The following VWA8 variants were observed in gnomAD, a reference collection of about 807,000 sequenced individuals.
The protein encoded by VWA8 is von Willebrand factor A domain-containing protein 8.
VWA8 carries 221 observed loss-of-function variants against 241.5 expected under a neutral mutation model. The observed-to-expected ratio is 0.91, with a 90% CI of 0.82 to 1.02. VWA8 has a LOEUF of 1.02. VWA8 is among the 50% of genes least tolerant of loss of function. VWA8 has a pLI of 0.00. For missense variants in VWA8, 2,322 were observed against 2,328.7 expected (o/e 1.00, Z 0.06); for synonymous variants, 852 against 827.1 (o/e 1.03, Z -0.52).
chr13:41,770,116 A>G (rs1160354936), intron 20 of VWA8, among the ~76,000 whole-genome samples: 3 of 152,118 alleles, frequency 2.0e-5, no homozygotes, highest in Non-Finnish European at 4.4e-5. Context: ...CAACATGAAA[A>G]ATGGGGAAGG....
At chr13:41,794,108 T>C (rs1869580262) in intron 17 of VWA8, among the ~76,000 whole-genome samples, 1 of 152,100 alleles carries the variant, frequency 6.6e-6, no homozygotes, top group South Asian at 2.1e-4. Context: ...TAAGATTGTC[T>C]TGGCTATACA....
intron 43 of VWA8, among the ~76,000 whole-genome samples, chr13:41,571,836 G>A (rs1400675866): frequency 4.6e-5 from 7 of 151,618 alleles, no homozygotes; most frequent in East Asian, 2.0e-4. Context: ...GAGCCCCTCC[G>A]ACTGGCCGCC....
At chr13:41,833,017 G>A (rs1001627082) in intron 13 of VWA8, among the ~76,000 whole-genome samples, 3 of 152,000 alleles carry the variant, frequency 2.0e-5, no homozygotes, top group East Asian at 1.9e-4. Context: ...TGTAAATACT[G>A]AAGCTGTGAC....
intron 17 of VWA8, among the ~76,000 whole-genome samples, chr13:41,790,709 G>C (rs1008219335): frequency 4.6e-5 from 7 of 151,792 alleles, no homozygotes; most frequent in African/African-American, 1.7e-4. Context: ...TACAATAAAA[G>C]TATTTTTGGA....
intron 26 of VWA8, among the ~76,000 whole-genome samples, chr13:41,713,956 TA>T (rs2045333281): frequency 6.6e-6 from 1 of 152,002 alleles, no homozygotes; most frequent in Non-Finnish European, 1.5e-5. Context: ...TCTCTTCTAT[TA>T]TGTCAAAAAG....
At chr13:41,900,261 T>G (rs1275141443) in intron 4 of VWA8, among the ~76,000 whole-genome samples, 13 of 152,224 alleles carry the variant, frequency 8.5e-5, no homozygotes. Context: ...ATAATTTTTT[T>G]GAAATCTTTC....
chr13:41,791,552 T>C (rs1182312625), intron 17 of VWA8, among the ~76,000 whole-genome samples: 3 of 151,906 alleles, frequency 2.0e-5, no homozygotes, highest in African/African-American at 7.2e-5. Flanking sequence ...TGTGTATTTG[T>C]TGTCCATATT....
At chr13:41,840,594 C>T (rs1480413090) in intron 12 of VWA8, among the ~76,000 whole-genome samples, 1 of 151,812 alleles carries the variant, frequency 6.6e-6, no homozygotes, top group East Asian at 1.9e-4. Flanking sequence ...CCCATCGCTA[C>T]AAAAACTACA....
Position 41,667,213 on chromosome 13 carries a change from T to C in VWA8, c.4611+3733A>G, listed in dbSNP as rs117512229. ...TGAGATCTTCAAAAATCAAAACTGC[T>C]AGACTAGAGATTATAGAAAAGGCCA... On this transcript the variant is annotated intron_variant, in intron 37 of 44. Coordinates refer to ENST00000379310, the MANE Select transcript of VWA8 (RefSeq NM_015058.2). Among the ~76,000 whole-genome samples the C allele has an allele frequency of 2.0e-5, 3 of 152,280 alleles. No homozygotes were observed. In the East Asian group the frequency reaches 5.8e-4, roughly 29 times the overall value.
chr13:41,875,240 A>G (rs1304857863), intron 9 of VWA8, among the ~76,000 whole-genome samples: 1 of 152,130 alleles, frequency 6.6e-6, no homozygotes, highest in African/African-American at 2.4e-5. Context: ...ATATTATGGC[A>G]GCTTCATCAT....
chr13:41,813,618 A>G (rs2137977233), intron 16 of VWA8, among the ~76,000 whole-genome samples: 1 of 152,256 alleles, frequency 6.6e-6, no homozygotes, highest in African/African-American at 2.4e-5. Context: ...TTCACATTTC[A>G]TTCCAGTCAT....
At chr13:41,709,149 G>C (rs1407502066) in intron 26 of VWA8, among the ~76,000 whole-genome samples, 2 of 152,176 alleles carry the variant, frequency 1.3e-5, no homozygotes, top group East Asian at 1.9e-4. Flanking sequence ...ACTCTACTAT[G>C]AATATAGCAC....
intron 25 of VWA8, 63 bp from the exon 26 acceptor site, chr13:41,719,805 ATG>A: frequency 6.9e-7 from 1 of 1,449,758 alleles, no homozygotes; most frequent in Non-Finnish European, 9.4e-7. Context: ...ATAAAGATTT[ATG>A]AAATGGATAG....
chr13:41,717,802 C>G (rs1354938801), intron 26 of VWA8, among the ~76,000 whole-genome samples: 1 of 152,032 alleles, frequency 6.6e-6, no homozygotes, highest in African/African-American at 2.4e-5. Flanking sequence ...AAGGAAAATT[C>G]ACTCTTCCTT....
At chr13:41,625,219 A>G (rs1028856510) in intron 37 of VWA8, among the ~76,000 whole-genome samples, 14 of 152,214 alleles carry the variant, frequency 9.2e-5, no homozygotes, top group Non-Finnish European at 2.1e-4. Flanking sequence ...ACAAAAGCCA[A>G]AATTGACATA....
intron 3 of VWA8, among the ~76,000 whole-genome samples, chr13:41,908,769 T>C (rs905648633): frequency 6.6e-6 from 1 of 152,250 alleles, no homozygotes; most frequent in Non-Finnish European, 1.5e-5. Context: ...ACATTATCTT[T>C]GGTTTTACAA....
At chr13:41,755,173 T>C (rs999052398) in intron 21 of VWA8, among the ~76,000 whole-genome samples, 1 of 152,086 alleles carries the variant, frequency 6.6e-6, no homozygotes, top group Admixed American at 6.6e-5. Context: ...TTCAGTTTTT[T>C]GAGGAACCTC....
Position 41,763,356 on chromosome 13 carries a change from G to A in VWA8, c.2350-2152C>T, listed in dbSNP as rs546392258. Among the ~76,000 whole-genome samples the A allele has an allele frequency of 1.7e-4, 25 of 151,420 alleles. No individual in the cohort carries two copies. In the South Asian group the frequency reaches 5.2e-3, roughly 32 times the overall value. ...AGATAGATAGATAGATAGATAAAGT[G>A]GGATAAATTTTAAAAGTGATTTATT... On this transcript the variant is annotated intron_variant, in intron 20 of 44. Coordinates refer to ENST00000379310, the MANE Select transcript of VWA8 (RefSeq NM_015058.2).
At chr13:41,711,681 T>C (rs539688362) in intron 26 of VWA8, among the ~76,000 whole-genome samples, 74 of 152,260 alleles carry the variant, frequency 4.9e-4, no homozygotes, top group Middle Eastern at 3.4e-3. Flanking sequence ...GAGACCATCC[T>C]AGCTAACACG....
Sources: gnomAD v4.1 joint callset for allele counts (sites outside exome capture counted in the v4.1 genomes callset) on GRCh38, gnomAD v4.1.1 for gene constraint, MANE v1.5 for transcripts, NCBI Gene and HGNC (gene_info 2026-07-23, HGNC 2026-07-21) for gene names.